The following RNF19B variants were observed in gnomAD, a reference collection of about 807,000 sequenced individuals.
RNF19B encodes ring finger protein 19B.
In RNF19B, 23 loss-of-function variants were observed where a neutral mutation model predicts 65.5. The observed-to-expected ratio is 0.35, with a 90% CI of 0.25 to 0.50. RNF19B has a LOEUF of 0.50. Among genes scored for constraint, RNF19B ranks in the 20% least tolerant of loss-of-function variants. The pLI is 0.98. For missense variants in RNF19B, 794 were observed against 980.0 expected (o/e 0.81, Z 2.53); for synonymous variants, 372 against 379.6 (o/e 0.98, Z 0.23).
At chr1:32,960,809 C>T (rs1642751339) in intron 1 of RNF19B, among the ~76,000 whole-genome samples, 1 of 152,040 alleles carries the variant, frequency 6.6e-6, no homozygotes, top group African/African-American at 2.4e-5. Flanking sequence ...CCAGCCTGGG[C>T]AACACAGGGA....
intron 8 of RNF19B, among the ~76,000 whole-genome samples, chr1:32,937,689 A>T (rs1279198265): frequency 1.3e-5 from 2 of 152,122 alleles, no homozygotes; most frequent in Non-Finnish European, 2.9e-5. Context: ...AGCCTGGTTG[A>T]CAGAGCAAGA....
chr1:32,943,099 C>T (rs899418087), intron 6 of RNF19B, among the ~76,000 whole-genome samples: 1 of 150,830 alleles, frequency 6.6e-6, no homozygotes, highest in Non-Finnish European at 1.5e-5. Context: ...CAGGACCATG[C>T]CACTGCACTC....
rs75706825 is a variant in RNF19B, at chr1:32,953,048, C to T, written c.636-3274G>A. Among the ~76,000 whole-genome samples, 737 of 146,914 alleles carry T rather than the reference C, an allele frequency of 5.0e-3. 8 individuals carry two copies. Among genetic ancestry groups the T allele is most frequent in the African/African-American group, 0.017 (659 of 39,542 alleles). ...GTGGTGTGATGATAGCTCATTGCAA[C>T]CTGAAACTCCTGGGCTCAAGTGATC... is the stretch of plus-strand genomic sequence containing the variant. On this transcript the variant is annotated intron_variant, in intron 1 of 8. Coordinates refer to ENST00000235150, the MANE Select transcript of RNF19B (RefSeq NM_001300826.2).
At chr1:32,963,730 GAA>G (rs1191998231) in intron 1 of RNF19B, among the ~76,000 whole-genome samples, 2 of 130,866 alleles carry the variant, frequency 1.5e-5, no homozygotes, top group South Asian at 2.4e-4. Context: ...AAAAAAAAAA[GAA>G]AAAAAAAAAA....
At chr1:32,933,971 A>C (rs185637506), downstream of RNF19B, among the ~76,000 whole-genome samples, 226 of 152,354 alleles carry the variant, frequency 1.5e-3, no homozygotes, top group African/African-American at 4.9e-3. Context: ...TTATCAAAGA[A>C]GTGAATTGTT....
intron 1 of RNF19B, among the ~76,000 whole-genome samples, chr1:32,957,964 G>C (rs1642679842): frequency 1.3e-5 from 2 of 152,224 alleles, no homozygotes; most frequent in South Asian, 2.1e-4. Flanking sequence ...ATTCATCTAT[G>C]TACCACACTC....
intron 6 of RNF19B, among the ~76,000 whole-genome samples, 183 bp from the exon 7 acceptor site, chr1:32,942,642 T>C (rs1247444627): frequency 6.6e-6 from 1 of 152,244 alleles, no homozygotes; most frequent in Non-Finnish European, 1.5e-5. Context: ...TAACTAGGCA[T>C]TAATAGCCTC....
intron 1 of RNF19B, among the ~76,000 whole-genome samples, chr1:32,951,649 G>T (rs141811453): frequency 6.6e-6 from 1 of 152,148 alleles, no homozygotes; most frequent in East Asian, 1.9e-4. Flanking sequence ...CATCCCTCTT[G>T]AAAGCTCATC....
chr1:32,948,874 T>C (rs1261123834), intron 2 of RNF19B, among the ~76,000 whole-genome samples: 1 of 152,200 alleles, frequency 6.6e-6, no homozygotes, highest in East Asian at 1.9e-4. Flanking sequence ...TAAAAACAAC[T>C]GGGTATGCTA....
chr1:32,964,476 G>A lies in RNF19B; in HGVS notation c.210C>T (p.Ala70=). ...AAQPPPAPAP[A]AAQGPPPEAL... Reference sequence around the variant, plus strand: ...CCTCGGGCGGCGGGCCCTGGGCCGCGGCAGGGGCCGGGGCGGGCGGCGGCT... The same window carrying A: ...CCTCGGGCGGCGGGCCCTGGGCCGCAGCAGGGGCCGGGGCGGGCGGCGGCT... Residue 70 remains alanine, a synonymous_variant, in exon 1 of 9, where the codon GCC becomes GCT. Coordinates refer to ENST00000235150, the MANE Select transcript of RNF19B (RefSeq NM_001300826.2). The surrounding 1 kb of genome is among the most constrained non-coding windows in gnomAD (Gnocchi z 6.5). The A allele has an allele frequency of 1.0e-6, 1 of 953,640 alleles. No homozygotes were observed. Among genetic ancestry groups the A allele is most frequent in the Non-Finnish European group, 1.2e-6 (1 of 804,530 alleles). 59.1% of individuals were successfully genotyped at this position (953,640 alleles called of 1,614,324 possible).
intron 3 of RNF19B, among the ~76,000 whole-genome samples, chr1:32,947,231 C>T (rs1214473730): frequency 6.6e-6 from 1 of 152,160 alleles, no homozygotes. Flanking sequence ...AAATGTTCGA[C>T]AAATTGGCAA....
At chr1:32,943,153 AG>A (rs1285691224) in intron 6 of RNF19B, among the ~76,000 whole-genome samples, 1 of 149,078 alleles carries the variant, frequency 6.7e-6, no homozygotes, top group Non-Finnish European at 1.5e-5. Context: ...AAAAAAAAAA[AG>A]AAAAGAAAAA....
chr1:32,943,445 C>T (rs1012677059), intron 6 of RNF19B, among the ~76,000 whole-genome samples: 1 of 151,510 alleles, frequency 6.6e-6, no homozygotes, highest in Non-Finnish European at 1.5e-5. Context: ...CACCAAACCC[C>T]GTCTATACTA....
At position 32,936,967 on chromosome 1, in the gene RNF19B, T is replaced by G; in HGVS notation, c.2035A>C (p.Ile679Leu). Residue 679 changes from isoleucine to leucine, a missense_variant, in exon 9 of 9, where the codon ATC (isoleucine) becomes CTC (leucine). Transcript: ENST00000235150. Reference sequence around the variant, plus strand: ...GGGGAGCCACACTCATCTGAGGTGATGTCTGGCACATCGTCTGACTGTGCA... The same window carrying G: ...GGGGAGCCACACTCATCTGAGGTGAGGTCTGGCACATCGTCTGACTGTGCA... ...SDAQSDDVPDITSDECGSPRS... is the reference protein window; with the variant it reads ...SDAQSDDVPDLTSDECGSPRS... The G allele has an allele frequency of 6.2e-7, 1 of 1,614,108 alleles. No homozygotes were observed. Among genetic ancestry groups the G allele is most frequent in the Non-Finnish European group, 8.5e-7 (1 of 1,180,002 alleles).
chr1:32,945,455 G>C, intron 5 of RNF19B, 59 bp downstream of exon 5: 2 of 1,088,348 alleles, frequency 1.8e-6, no homozygotes, highest in Non-Finnish European at 2.8e-6. Context: ...CTGGCCATCT[G>C]GCTAAACTGC....
Position 32,937,044 on chromosome 1 carries a change from T to TC in RNF19B, c.1957dup (p.Asp653GlyfsTer8). On this transcript the variant is annotated frameshift_variant, in exon 9 of 9. Transcript: ENST00000235150. LOFTEE classifies it high-confidence loss of function. Reference sequence around the variant, plus strand: ...GCTTTCAGGCTGGGCCAGGCTGATGTCCCAAGGTTTGCTGGCCAGGCAGTC... The same window carrying TC: ...GCTTTCAGGCTGGGCCAGGCTGATGTCCCCAAGGTTTGCTGGCCAGGCAGTC... 1.9e-6 allele frequency: 3 copies of TC among 1,614,208 alleles called. No individual in the cohort carries two copies. Among genetic ancestry groups the TC allele is most frequent in the Non-Finnish European group, 2.5e-6 (3 of 1,180,042 alleles).
downstream of RNF19B, among the ~76,000 whole-genome samples, chr1:32,934,763 G>GA (rs1176927161): frequency 1.3e-5 from 2 of 152,152 alleles, no homozygotes; most frequent in Non-Finnish European, 2.9e-5. Flanking sequence ...CTAAGATTTG[G>GA]AATCTGACAT....
chr1:32,949,540 A>G, intron 2 of RNF19B, 29 bp downstream of exon 2: 1 of 1,592,012 alleles, frequency 6.3e-7, no homozygotes. Flanking sequence ...TACCAAATAA[A>G]GAGACAATGA....
chr1:32,955,264 C>T (rs1443579249), intron 1 of RNF19B, among the ~76,000 whole-genome samples: 1 of 152,032 alleles, frequency 6.6e-6, no homozygotes, highest in African/African-American at 2.4e-5. Flanking sequence ...CATTCTAGGT[C>T]TTCTCCTAGG....
Sources: allele counts gnomAD v4.1 joint callset (sites outside exome capture counted in the v4.1 genomes callset), GRCh38; gene constraint gnomAD v4.1.1; non-coding constraint Gnocchi (gnomAD v3.1); transcripts MANE v1.5; gene names NCBI Gene and HGNC (gene_info 2026-07-23, HGNC 2026-07-21).